Variants in RALGAPB observed in about 807,000 individuals in gnomAD.
RALGAPB encodes Ral GTPase activating protein non-catalytic subunit beta.
Under a neutral mutation model 161.1 loss-of-function variants are expected in RALGAPB, and 25 were observed. That is an observed-to-expected ratio of 0.16 (90% CI 0.11 to 0.22). The LOEUF (loss-of-function observed/expected upper bound fraction) is 0.22. Ranked by LOEUF, RALGAPB falls within the 10% of genes least tolerant of loss-of-function variation. The pLI, the probability that RALGAPB is intolerant of heterozygous loss-of-function variation, is 1.00. For synonymous variants in RALGAPB, 629 were observed against 626.1 expected (o/e 1.00, Z -0.07); for missense variants, 1,391 against 1,815.2 (o/e 0.77, Z 4.25).
intron 19 of RALGAPB, among the ~76,000 whole-genome samples, chr20:38,548,371 T>C (rs2087245276): frequency 6.6e-6 from 1 of 152,248 alleles, no homozygotes. Context: ...TGGAGGTATG[T>C]GAGATGATCT....
At chr20:38,495,741 G>GT (rs1045848780) in intron 3 of RALGAPB, among the ~76,000 whole-genome samples, 34 of 150,976 alleles carry the variant, frequency 2.3e-4, no homozygotes, top group African/African-American at 5.6e-4. Flanking sequence ...TAGCTCTTCT[G>GT]TTTTTTTTTA....
Position 38,558,419 on chromosome 20 carries a change from T to G in RALGAPB, c.3497T>G (p.Phe1166Cys). The G allele has an allele frequency of 6.2e-7, 1 of 1,603,066 alleles. No homozygotes were observed. Among genetic ancestry groups the G allele is most frequent in the Non-Finnish European group, 8.5e-7 (1 of 1,174,258 alleles). The change falls in exon 23 of 30, where the codon TTC (phenylalanine) becomes TGC (cysteine). Residue 1166 changes from phenylalanine to cysteine, a missense_variant. Physicochemically the swap from Phe to Cys is radical, Grantham distance 205. Transcript: ENST00000262879. ...CGTCCTTTTGACACAGTTTTTATTT[T>G]CTATATGAAGCCAGGTCAGAAAACG... ...PCRPFDTVFI[F>C]YMKPGQKTNQ...
chr20:38,478,398 A>T (rs805554), intron 1 of RALGAPB, among the ~76,000 whole-genome samples: 129,741 of 152,200 alleles, frequency 0.85, 55,300 homozygotes, highest in East Asian at 0.91. Context: ...CAAAGGTACA[A>T]TGTGCTCAAG....
In RALGAPB at chr20:38,577,531, A is replaced by C. The variant is rs2088480464; in HGVS notation, c.*2564A>C. On this transcript the variant is annotated 3_prime_UTR_variant, in exon 30 of 30. Coordinates refer to ENST00000262879, the MANE Select transcript of RALGAPB (RefSeq NM_020336.4). ...AGGTTTCCCTTCTACTGCCTTCTTA[A>C]GTTGCAGGAGGGAGCTTTTCTCCTC... The C allele has an allele frequency of 6.6e-6, 1 of 152,090 alleles. No homozygotes were observed. The highest frequency in any genetic ancestry group is 1.5e-5 in the Non-Finnish European group (1 of 68,024). 9.4% of individuals were successfully genotyped at this position (152,090 alleles called of 1,614,324 possible).
In RALGAPB at chr20:38,475,618, C is replaced by CT. The variant is rs1230898524; in HGVS notation, c.-31+2563dup. 1.6e-3 allele frequency among the ~76,000 whole-genome samples: 219 copies of CT among 139,120 alleles called. 1 individual carries two copies. The highest frequency in any genetic ancestry group is 3.7e-3 in the Middle Eastern group (1 of 268). The allele number at this position is 139,120 out of a possible 152,430, so 91.3% of individuals were successfully genotyped here. A position where few individuals can be genotyped will look rare whatever the true frequency, so the allele number is the denominator to read the frequency against. ...ACACATTTCATAAAATTTTTTTTTT[C>CT]TTTTTTTTTTTTTTGAGATGCAGTC... is the stretch of plus-strand genomic sequence containing the variant. On this transcript the variant is annotated intron_variant, in intron 1 of 29. Coordinates refer to ENST00000262879, the MANE Select transcript of RALGAPB (RefSeq NM_020336.4).
intron 2 of RALGAPB, among the ~76,000 whole-genome samples, chr20:38,492,143 G>C (rs184527826): frequency 6.6e-6 from 1 of 152,258 alleles, no homozygotes; most frequent in East Asian, 1.9e-4. Context: ...TTTGGAAAAA[G>C]TTGCCCAGTG....
rs535284827 is a variant in RALGAPB at position 38,520,962 on chromosome 20, T to C, written c.1418-535T>C. On this transcript the variant is annotated intron_variant, in intron 9 of 29. Transcript: ENST00000262879. The stretch of plus-strand genomic sequence containing the variant: ...GTTGAGCGATTCTTTGGTGTGTGTT[T>C]TGGAGTTGGGTGGGTGGTGGGAATG... 1.7e-4 allele frequency among the ~76,000 whole-genome samples: 26 copies of C among 152,258 alleles called. No homozygotes were observed. The South Asian group carries it at 5.0e-3, about 29-fold the overall frequency.
intron 3 of RALGAPB, among the ~76,000 whole-genome samples, chr20:38,495,874 T>C (rs1185400338): frequency 6.6e-6 from 1 of 152,180 alleles, no homozygotes; most frequent in Non-Finnish European, 1.5e-5. Flanking sequence ...TTTCCTGTCA[T>C]TGGGCAAATA....
chr20:38,475,643 C>T (rs2084780991), intron 1 of RALGAPB, among the ~76,000 whole-genome samples: 1 of 141,854 alleles, frequency 7.0e-6, no homozygotes, highest in Non-Finnish European at 1.5e-5. Context: ...GAGATGCAGT[C>T]TCGCTCTGTC....
chr20:38,532,003 G>C (rs2086666111), intron 14 of RALGAPB, among the ~76,000 whole-genome samples: 1 of 152,050 alleles, frequency 6.6e-6, no homozygotes, highest in Admixed American at 6.5e-5. Context: ...TGATATAACT[G>C]TATTTGAAAG....
chr20:38,549,217 T>C (rs1381583485), intron 20 of RALGAPB, among the ~76,000 whole-genome samples: 1 of 152,126 alleles, frequency 6.6e-6, no homozygotes, highest in African/African-American at 2.4e-5. Flanking sequence ...ATTGGTAATA[T>C]ATTGTATAAA....
At chr20:38,529,428 G>A (rs1311698833) in intron 13 of RALGAPB, among the ~76,000 whole-genome samples, 4 of 151,770 alleles carry the variant, frequency 2.6e-5, no homozygotes, top group Non-Finnish European at 5.9e-5. Context: ...TGAGATAGGA[G>A]AATGTTTGAA....
At chr20:38,540,062 T>G in intron 17 of RALGAPB, 104 bp downstream of exon 17, 3 of 982,428 alleles carry the variant, frequency 3.1e-6, no homozygotes, top group Non-Finnish European at 4.3e-6. Flanking sequence ...ATTGCACACT[T>G]TAAACTGAAA....
At chr20:38,546,521 A>G in intron 19 of RALGAPB, 91 bp downstream of exon 19, 1 of 1,546,872 alleles carries the variant, frequency 6.5e-7, no homozygotes. Context: ...AGGACAGCCT[A>G]CAGATTCTAA....
intron 23 of RALGAPB, among the ~76,000 whole-genome samples, chr20:38,560,435 G>A (rs1457852970): frequency 1.3e-5 from 2 of 152,184 alleles, no homozygotes; most frequent in African/African-American, 4.8e-5. Context: ...ATAATAACGT[G>A]TAAATTCTTC....
chr20:38,485,608 G>T (rs1781296901), intron 1 of RALGAPB, among the ~76,000 whole-genome samples: 1 of 152,060 alleles, frequency 6.6e-6, no homozygotes. Context: ...TGTACTTTTA[G>T]TAGAGACGGG....
intron 18 of RALGAPB, among the ~76,000 whole-genome samples, chr20:38,545,546 A>G (rs977568515): frequency 7.9e-5 from 12 of 151,876 alleles, no homozygotes; most frequent in Admixed American, 7.9e-4. Flanking sequence ...TGTCATCTCA[A>G]CTCTCAGCTT....
intron 13 of RALGAPB, among the ~76,000 whole-genome samples, chr20:38,529,858 A>G (rs1472689240): frequency 6.6e-6 from 1 of 152,114 alleles, no homozygotes; most frequent in Non-Finnish European, 1.5e-5. Flanking sequence ...AGAAAATCAT[A>G]AGGAAGAGAA....
chr20:38,571,124 A>G (rs1027095854), intron 28 of RALGAPB, among the ~76,000 whole-genome samples: 7 of 152,196 alleles, frequency 4.6e-5, no homozygotes, highest in African/African-American at 1.4e-4. Flanking sequence ...ATAAGTATAT[A>G]TGCATGAAAC....
Sources: gnomAD v4.1 joint callset for allele counts (sites outside exome capture counted in the v4.1 genomes callset) on GRCh38, gnomAD v4.1.1 for gene constraint, MANE v1.5 for transcripts, NCBI Gene and HGNC (gene_info 2026-07-23, HGNC 2026-07-21) for gene names.